The following NAV1 variants were observed in gnomAD, a reference collection of about 807,000 sequenced individuals.
The protein encoded by NAV1 is pore membrane and/or filament interacting like protein 3.
Under a neutral mutation model 175.2 loss-of-function variants are expected in NAV1, and 18 were observed. The ratio of observed to expected loss-of-function variants is 0.10; its 90% CI spans 0.07 to 0.15. The LOEUF (loss-of-function observed/expected upper bound fraction) is 0.15. NAV1 is among the 10% of genes least tolerant of loss of function. NAV1 has a pLI of 1.00. For missense variants in NAV1, 1,731 were observed against 2,436.6 expected (o/e 0.71, Z 6.10); for synonymous variants, 897 against 978.7 (o/e 0.92, Z 1.56).
intron 3 of NAV1, among the ~76,000 whole-genome samples, chr1:201,768,642 A>G (rs1047143199): frequency 3.6e-5 from 2 of 56,226 alleles, no homozygotes; most frequent in Non-Finnish European, 8.3e-5. Context: ...TGTCTCAATT[A>G]AAAAAAAAAA....
chr1:201,546,443 T>G (rs1003258395), intron 1 of NAV1, among the ~76,000 whole-genome samples: 1 of 152,198 alleles, frequency 6.6e-6, no homozygotes, highest in Non-Finnish European at 1.5e-5. Flanking sequence ...TGCTTTCCTA[T>G]GGTGCAAGTT....
intron 16 of NAV1, 39 bp downstream of exon 20, chr1:201,803,753 G>A (rs1459731826): frequency 9.4e-6 from 15 of 1,598,228 alleles, no homozygotes; most frequent in Middle Eastern, 1.7e-4. Context: ...AGGTAGAACC[G>A]TGGTGGACCG....
chr1:201,683,840 T>A (rs552174760), intron 1 of NAV1, among the ~76,000 whole-genome samples: 1 of 147,160 alleles, frequency 6.8e-6, no homozygotes, highest in African/African-American at 2.5e-5. Flanking sequence ...GAAGTCACTG[T>A]GTGCAGCCAC....
chr1:201,608,982 G>T (rs1751340), intron 2 of NAV1, among the ~76,000 whole-genome samples: 3,662 of 152,292 alleles, frequency 0.024, 60 homozygotes, highest in African/African-American at 0.043. Context: ...ATAAGCAGCC[G>T]ATGGAACAAG....
intron 3 of NAV1, among the ~76,000 whole-genome samples, chr1:201,741,762 C>T (rs1055521508): frequency 3.3e-5 from 5 of 152,224 alleles, no homozygotes; most frequent in African/African-American, 1.2e-4. Context: ...TAGGCTACCT[C>T]ATTCTTTCTT....
chr1:201,805,145 A>G (rs1678195367), intron 17 of NAV1, among the ~76,000 whole-genome samples: 1 of 152,136 alleles, frequency 6.6e-6, no homozygotes, highest in Non-Finnish European at 1.5e-5. Flanking sequence ...CCTGAGGTCC[A>G]CTCTAACCCT....
At chr1:201,542,164 T>G (rs537720967) in intron 1 of NAV1, among the ~76,000 whole-genome samples, 1 of 152,310 alleles carries the variant, frequency 6.6e-6, no homozygotes, top group East Asian at 1.9e-4. Context: ...AATGCAGGGC[T>G]CCTGGCTTTC....
intron 1 of NAV1, among the ~76,000 whole-genome samples, chr1:201,712,034 C>G (rs1166522798): frequency 6.6e-6 from 1 of 152,228 alleles, no homozygotes; most frequent in African/African-American, 2.4e-5. Flanking sequence ...GATTGGGCCA[C>G]ACCCATGCAT....
chr1:201,784,568 TA>T (rs1286752651), intron 7 of NAV1, among the ~76,000 whole-genome samples: 2 of 132,994 alleles, frequency 1.5e-5, no homozygotes, highest in East Asian at 4.1e-4. Context: ...TAATACGATC[TA>T]TTTTTTTTTT....
chr1:201,783,970 A>G, intron 7 of NAV1, 118 bp downstream of exon 11: 1 of 881,870 alleles, frequency 1.1e-6, no homozygotes, highest in Non-Finnish European at 1.7e-6. Context: ...TTTTTCACAT[A>G]TATTAAGTAA....
intron 1 of NAV1, among the ~76,000 whole-genome samples, chr1:201,679,697 C>T (rs896676009): frequency 2.6e-5 from 4 of 152,164 alleles, no homozygotes; most frequent in Admixed American, 1.3e-4. Flanking sequence ...AGTAACTTGC[C>T]TGAAGTCATC....
At chr1:201,737,562 G>A (rs1054014814) in intron 3 of NAV1, 1 of 152,286 alleles carries the variant, frequency 6.6e-6, no homozygotes, top group Non-Finnish European at 1.5e-5. Flanking sequence ...AGGGTGGAAG[G>A]AAGGGTGGGC....
chr1:201,682,616 G>A (rs765185236), intron 1 of NAV1, among the ~76,000 whole-genome samples: 3 of 152,016 alleles, frequency 2.0e-5, no homozygotes, highest in African/African-American at 4.8e-5. Context: ...GTCAAGACCC[G>A]CATTCAGCTC....
chr1:201,661,206 A>T (rs952232415), intron 1 of NAV1, among the ~76,000 whole-genome samples: 3 of 152,294 alleles, frequency 2.0e-5, no homozygotes, highest in Non-Finnish European at 1.5e-5. Context: ...TTGATGTTCT[A>T]GAACCCTTGC....
At chr1:201,708,688 G>A (rs898054158) in intron 1 of NAV1, among the ~76,000 whole-genome samples, 4 of 152,130 alleles carry the variant, frequency 2.6e-5, no homozygotes, top group Non-Finnish European at 5.9e-5. Context: ...TTCTGAGCAC[G>A]TCCTCCACTT....
Position 201,718,822 on chromosome 1 carries a change from A to G in NAV1, c.1226+67A>G, listed in dbSNP as rs575817540. The G allele has an allele frequency of 6.5e-7, 1 of 1,539,032 alleles. No individual in the cohort carries two copies. Among genetic ancestry groups the G allele is most frequent in the East Asian group, 2.3e-5 (1 of 44,082 alleles). On this transcript the variant is annotated intron_variant, in intron 3 of 29. Coordinates refer to ENST00000367296, the Ensembl canonical transcript of NAV1. The surrounding 1 kb of genome is among the most constrained non-coding windows in gnomAD (Gnocchi z 4.8). Reference sequence around the variant, plus strand: ...AAAGACCACTGGGATGCGACGCCTTAAAAGTGGAGTGGAACCCAAAACGGG... The same window carrying G: ...AAAGACCACTGGGATGCGACGCCTTGAAAGTGGAGTGGAACCCAAAACGGG...
chr1:201,606,932 A>G (rs1242400951), intron 2 of NAV1, among the ~76,000 whole-genome samples: 2 of 152,228 alleles, frequency 1.3e-5, no homozygotes, highest in Non-Finnish European at 2.9e-5. Flanking sequence ...TTTGTAACCA[A>G]GAATCTTTAT....
chr1:201,789,881 C>A, intron 11 of NAV1, 89 bp downstream of exon 15: 2 of 1,286,692 alleles, frequency 1.6e-6, no homozygotes, highest in Non-Finnish European at 2.3e-6. Flanking sequence ...GGTAACTGGG[C>A]GGGGGATGGG....
chr1:201,574,487 C>T (rs1334298593), intron 1 of NAV1, among the ~76,000 whole-genome samples: 1 of 152,160 alleles, frequency 6.6e-6, no homozygotes, highest in Admixed American at 6.5e-5. Flanking sequence ...CTGTGGTGGT[C>T]AGTCCCACCC....
Sources: gnomAD v4.1 joint callset for allele counts (sites outside exome capture counted in the v4.1 genomes callset) on GRCh38, gnomAD v4.1.1 for gene constraint, Gnocchi (gnomAD v3.1) non-coding constraint, MANE v1.5 for transcripts, NCBI Gene and HGNC (gene_info 2026-07-23, HGNC 2026-07-21) for gene names.